Variants in DDX49 observed in about 807,000 individuals in gnomAD.
The protein encoded by DDX49 is probable ATP-dependent RNA helicase DDX49.
A neutral mutation model predicts 56.3 loss-of-function variants in DDX49; 50 were observed. The observed-to-expected ratio is 0.89, with a 90% confidence interval of 0.71 to 1.12. The LOEUF is 1.12. Among genes scored for constraint, DDX49 ranks in the 50% most tolerant of loss-of-function variants. The probability of loss-of-function intolerance (pLI) is 0.00; values close to 1 mark genes in which losing one functional copy is unlikely to be tolerated. For missense variants in DDX49, 614 were observed against 650.5 expected (o/e 0.94, Z 0.61); for synonymous variants, 269 against 270.6 (o/e 0.99, Z 0.06).
intron 9 of DDX49, 45 bp from the exon 10 acceptor site, chr19:18,926,258 G>A (rs1469666076): frequency 6.5e-7 from 1 of 1,549,962 alleles, no homozygotes; most frequent in Non-Finnish European, 8.7e-7. Flanking sequence ...TTCGCCCCAT[G>A]TCCTGACGCC....
intron 9 of DDX49, among the ~76,000 whole-genome samples, chr19:18,925,432 G>A (rs895869042): frequency 6.7e-6 from 1 of 148,430 alleles, no homozygotes; most frequent in Non-Finnish European, 1.5e-5. Context: ...GAGGGTGCCT[G>A]TAATCCCAGC....
At chr19:18,927,718 T>G in intron 10 of DDX49, 48 bp from the exon 11 acceptor site, 1 of 1,547,066 alleles carries the variant, frequency 6.5e-7, no homozygotes, top group Non-Finnish European at 8.9e-7. Flanking sequence ...TCCCTCTCCA[T>G]GTCACGTCTC....
Position 18,919,785 on chromosome 19 carries a change from A to T in DDX49, c.44A>T (p.Glu15Val). 1 of 1,612,562 alleles carries T rather than the reference A, an allele frequency of 6.2e-7. No homozygotes were observed. Among genetic ancestry groups the T allele is most frequent in the Non-Finnish European group, 8.5e-7 (1 of 1,179,208 alleles). The change falls in exon 1 of 13, where the codon GAA becomes GTA. Residue 15 changes from glutamate to valine, a missense_variant. By Grantham distance (121) the Glu-to-Val change is moderately radical (BLOSUM62 -2). Transcript: ENST00000247003. Reference sequence around the variant, plus strand: ...CTCGGGCTGTCATCGTGGCTCGTGGAACAATGTCGGCAGCTGGGTTTGAAG... The same window carrying T: ...CTCGGGCTGTCATCGTGGCTCGTGGTACAATGTCGGCAGCTGGGTTTGAAG... ...AELGLSSWLV[E>V]QCRQLGLKQP...
intron 10 of DDX49, among the ~76,000 whole-genome samples, chr19:18,926,964 T>A (rs975402080): frequency 3.3e-5 from 5 of 150,606 alleles, no homozygotes; most frequent in African/African-American, 1.2e-4. Flanking sequence ...TTGCAGCTAC[T>A]TGGGAGGGTG....
chr19:18,924,674 C>G lies in DDX49; in HGVS notation c.904C>G (p.Leu302Val). Residue 302 changes from leucine to valine, a missense_variant, in exon 8 of 13, where the codon CTG (leucine) becomes GTG (valine). Leu to Val is a conservative substitution (Grantham distance 32, BLOSUM62 1). Coordinates refer to ENST00000247003, the MANE Select transcript of DDX49 (RefSeq NM_019070.5). Reference sequence around the variant, plus strand: ...GTTCAAGTCCAGCATCTACCGGATCCTGATCGCAACAGACGTGGCCTCCCG... The same window carrying G: ...GTTCAAGTCCAGCATCTACCGGATCGTGATCGCAACAGACGTGGCCTCCCG... ...AKFKSSIYRI[L>V]IATDVASRGL... The G allele has an allele frequency of 6.2e-7, 1 of 1,614,256 alleles. No individual in the cohort carries two copies.
chr19:18,922,294 C>T, intron 4 of DDX49, 32 bp from the exon 5 acceptor site: 1 of 1,597,674 alleles, frequency 6.3e-7, no homozygotes, highest in East Asian at 2.3e-5. Flanking sequence ...CCATGGACGG[C>T]ACCCTCACCC....
rs1293693090 is a variant in DDX49 at position 18,921,656 on chromosome 19, C to T, written c.240-7C>T. On this transcript the variant is annotated splice_polypyrimidine_tract_variant and splice_region_variant and intron_variant, in intron 2 of 12. Coordinates refer to ENST00000247003, the MANE Select transcript of DDX49 (RefSeq NM_019070.5). Reference sequence around the variant, plus strand: ...CCTGACCCAGCCTGGCCCCTTCACACCCACAGGGAGCTGGCCTACCAGATC... The same window carrying T: ...CCTGACCCAGCCTGGCCCCTTCACATCCACAGGGAGCTGGCCTACCAGATC... 6.2e-7 allele frequency: 1 copy of T among 1,613,858 alleles called. No individual in the cohort carries two copies. Among genetic ancestry groups the T allele is most frequent in the African/African-American group, 1.3e-5 (1 of 74,920 alleles).
Position 18,919,720 on chromosome 19 carries a change from G to T in DDX49, c.-22G>T. Reference sequence around the variant, plus strand: ...CGGATCACACGGGCCCCTACAAGGGGCCCCTACAAGCGGCCACAAGGATGG... The same window carrying T: ...CGGATCACACGGGCCCCTACAAGGGTCCCCTACAAGCGGCCACAAGGATGG... On this transcript the variant is annotated 5_prime_UTR_variant, in exon 1 of 13. Transcript: ENST00000247003. 1 of 1,593,278 alleles carries T rather than the reference G, an allele frequency of 6.3e-7. No homozygotes were observed. The highest frequency in any genetic ancestry group is 8.6e-7 in the Non-Finnish European group (1 of 1,164,576).
chr19:18,923,483 C>T (rs1363777964), intron 6 of DDX49, among the ~76,000 whole-genome samples: 2 of 152,142 alleles, frequency 1.3e-5, no homozygotes, highest in Non-Finnish European at 2.9e-5. Flanking sequence ...GATCACGCCA[C>T]TGCACTCCAT....
Position 18,928,199 on chromosome 19 carries a change from G to GA in DDX49, c.1337dup (p.Val447GlyfsTer54), listed in dbSNP as rs752959597. Reference sequence around the variant, plus strand: ...AGCAGAAGAACCGGCGCTTCAAGGAGAAGGTGGAGGAGACGCTGAAGCGAC... The same window carrying GA: ...AGCAGAAGAACCGGCGCTTCAAGGAGAAAGGTGGAGGAGACGCTGAAGCGAC... On this transcript the variant is annotated frameshift_variant, in exon 13 of 13. Coordinates refer to ENST00000247003, the MANE Select transcript of DDX49 (RefSeq NM_019070.5). LOFTEE classifies it low-confidence loss of function (END_TRUNC). 6.3e-7 allele frequency: 1 copy of GA among 1,586,050 alleles called. No individual in the cohort carries two copies. The highest frequency in any genetic ancestry group is 1.1e-5 in the South Asian group (1 of 88,050).
At chr19:18,925,480 G>A (rs577446536) in intron 9 of DDX49, among the ~76,000 whole-genome samples, 2 of 152,276 alleles carry the variant, frequency 1.3e-5, no homozygotes, top group South Asian at 4.1e-4. Flanking sequence ...GCTTGAACCC[G>A]GGAAGCGGAG....
rs73923186 is a variant in DDX49 at position 18,928,060 on chromosome 19, G to T, written c.1263+24G>T. 3,127 of 1,613,548 alleles carry T rather than the reference G, an allele frequency of 1.9e-3. 55 individuals are homozygous for T. The African/African-American group carries it at 0.038, about 19-fold the overall frequency. ...AGGTGAGGGCCGAGCCCGCAGGTAG[G>T]GGGTGGGTGGCCAGGTTCCCTGGCG... On this transcript the variant is annotated intron_variant, in intron 12 of 12. Coordinates refer to ENST00000247003, the MANE Select transcript of DDX49 (RefSeq NM_019070.5).
chr19:18,926,147 G>T (rs923941311), intron 9 of DDX49, among the ~76,000 whole-genome samples, 156 bp from the exon 10 acceptor site: 3 of 152,182 alleles, frequency 2.0e-5, no homozygotes, highest in African/African-American at 7.2e-5. Context: ...GTCCTGCTTG[G>T]GGTCAAGCCC....
intron 12 of DDX49, 24 bp downstream of exon 12, chr19:18,928,060 G>A (rs73923186): frequency 9.2e-4 from 1,479 of 1,613,560 alleles, no homozygotes; most frequent in Middle Eastern, 1.3e-3. Context: ...CCGCAGGTAG[G>A]GGGTGGGTGG....
intron 1 of DDX49, among the ~76,000 whole-genome samples, chr19:18,920,151 T>C (rs1254154517): frequency 6.6e-6 from 1 of 152,240 alleles, no homozygotes; most frequent in Admixed American, 6.5e-5. Flanking sequence ...GACCTGGTAC[T>C]GCTATCTTTA....
intron 6 of DDX49, among the ~76,000 whole-genome samples, chr19:18,923,819 T>C (rs866993650): frequency 1.3e-5 from 2 of 150,480 alleles, no homozygotes; most frequent in African/African-American, 4.9e-5. Flanking sequence ...CTTTTTTTTT[T>C]TTTTTTTTTT....
At position 18,919,736 on chromosome 19, in the gene DDX49, A is replaced by C; in HGVS notation, c.-6A>C. On this transcript the variant is annotated 5_prime_UTR_variant, in exon 1 of 13. Coordinates refer to ENST00000247003, the MANE Select transcript of DDX49 (RefSeq NM_019070.5). ...CTACAAGGGGCCCCTACAAGCGGCC[A>C]CAAGGATGGCAGGCTTCGCGGAGCT... The C allele has an allele frequency of 1.2e-6, 2 of 1,607,926 alleles. No homozygotes were observed. The highest frequency in any genetic ancestry group is 1.7e-6 in the Non-Finnish European group (2 of 1,175,472).
Position 18,928,470 on chromosome 19 carries a change from C to T in DDX49, c.*154C>T. 1.4e-6 allele frequency: 1 copy of T among 719,490 alleles called. No individual in the cohort carries two copies. Among genetic ancestry groups the T allele is most frequent in the Non-Finnish European group, 2.2e-6 (1 of 453,386 alleles). 44.6% of individuals were successfully genotyped at this position (719,490 alleles called of 1,614,324 possible). On this transcript the variant is annotated 3_prime_UTR_variant, in exon 13 of 13. Transcript: ENST00000247003. ...GTGTTGTGCGGGCCCTGCTCCTCTG[C>T]CCCGAAACCACTGGCTGGTCCCTTC...
At chr19:18,926,429 G>A (rs59237321) in intron 10 of DDX49, 52 bp downstream of exon 10, 1 of 1,219,536 alleles carries the variant, frequency 8.2e-7, no homozygotes, top group Non-Finnish European at 1.2e-6. Flanking sequence ...GTGGGCAGAG[G>A]TGGGCACCTC....
Sources: allele counts gnomAD v4.1 joint callset (sites outside exome capture counted in the v4.1 genomes callset), GRCh38; gene constraint gnomAD v4.1.1; transcripts MANE v1.5; gene names NCBI Gene and HGNC (gene_info 2026-07-23, HGNC 2026-07-21).